Variants in GRM8 observed in about 807,000 individuals in gnomAD.
GRM8 encodes glutamate metabotropic receptor 8, also known as metabotropic glutamate receptor 8.
Under a neutral mutation model 87.2 loss-of-function variants are expected in GRM8, and 47 were observed. The observed-to-expected ratio is 0.54, with a 90% CI of 0.43 to 0.69. The LOEUF is 0.69. Among genes scored for constraint, GRM8 ranks in the 30% least tolerant of loss-of-function variants. GRM8 has a pLI of 0.00. For synonymous variants in GRM8, 396 were observed against 404.5 expected (o/e 0.98, Z 0.25); for missense variants, 1,019 against 1,139.2 (o/e 0.89, Z 1.52).
chr7:126,502,665 G>A (rs1809818221), intron 9 of GRM8, among the ~76,000 whole-genome samples: 1 of 151,936 alleles, frequency 6.6e-6, no homozygotes, highest in Non-Finnish European at 1.5e-5. Flanking sequence ...TATTCCTTAT[G>A]ATTTATTCTT....
At chr7:126,958,398 C>T (rs1385379089) in intron 3 of GRM8, among the ~76,000 whole-genome samples, 1 of 152,194 alleles carries the variant, frequency 6.6e-6, no homozygotes, top group Non-Finnish European at 1.5e-5. Flanking sequence ...TCAAGTGCCA[C>T]CACGTTCCAC....
intron 8 of GRM8, 132 bp from the exon 9 acceptor site, chr7:126,534,019 T>G (rs1027636895): frequency 2.9e-6 from 2 of 678,836 alleles, no homozygotes; most frequent in Middle Eastern, 3.7e-4. Flanking sequence ...AGAGTCTCGT[T>G]TTTTTTCCCC....
rs1216935406 is a variant in GRM8, at chr7:126,618,601, G to C, written c.1358-9103C>G. The stretch of plus-strand genomic sequence containing the variant: ...CAGAGTGAACAGGCAACCTACAGAA[G>C]GGGAGAAAATTTTTACCATCTACTC... On this transcript the variant is annotated intron_variant, in intron 7 of 10. Transcript: ENST00000339582. Among the ~76,000 whole-genome samples the C allele has an allele frequency of 2.6e-5, 4 of 152,116 alleles. No homozygotes were observed. In the East Asian group the frequency reaches 5.8e-4, roughly 22 times the overall value.
chr7:126,672,055 G>A (rs755839493), intron 7 of GRM8, among the ~76,000 whole-genome samples: 2 of 152,204 alleles, frequency 1.3e-5, no homozygotes, highest in African/African-American at 2.4e-5. Context: ...TAGCACATGT[G>A]AGCATGGCTG....
At chr7:126,523,772 C>T (rs1813389337) in intron 9 of GRM8, among the ~76,000 whole-genome samples, 1 of 152,118 alleles carries the variant, frequency 6.6e-6, no homozygotes, top group African/African-American at 2.4e-5. Context: ...GCTGGCATTA[C>T]AGGCATGAGC....
At chr7:127,109,970 G>T (rs1826195863) in intron 2 of GRM8, among the ~76,000 whole-genome samples, 1 of 152,114 alleles carries the variant, frequency 6.6e-6, no homozygotes, top group African/African-American at 2.4e-5. Context: ...AGTTGAGTTT[G>T]TCCCGGAGGC....
intron 3 of GRM8, among the ~76,000 whole-genome samples, chr7:126,960,515 A>G (rs924321988): frequency 1.8e-4 from 28 of 152,252 alleles, no homozygotes; most frequent in African/African-American, 6.0e-4. Flanking sequence ...ATGTTGGTTT[A>G]GAATTGAATA....
In GRM8 at chr7:126,653,006, T is replaced by A. The variant is rs568053796; in HGVS notation, c.1358-43508A>T. Among the ~76,000 whole-genome samples the A allele has an allele frequency of 5.3e-5, 8 of 152,114 alleles. No individual in the cohort carries two copies. The East Asian group carries it at 1.5e-3, about 29-fold the overall frequency. On this transcript the variant is annotated intron_variant, in intron 7 of 10. Coordinates refer to ENST00000339582, the MANE Select transcript of GRM8 (RefSeq NM_000845.3). Reference sequence around the variant, plus strand: ...ACCTCATCACAATAAAATAGGGATCTCCCTATTTTAAGATCCCCCTAAGGA... The same window carrying A: ...ACCTCATCACAATAAAATAGGGATCACCCTATTTTAAGATCCCCCTAAGGA...
At chr7:126,577,534 C>G (rs1795225354) in intron 8 of GRM8, among the ~76,000 whole-genome samples, 1 of 151,120 alleles carries the variant, frequency 6.6e-6, no homozygotes, top group African/African-American at 2.4e-5. Context: ...AAGTTCTACT[C>G]TAATATATGT....
At chr7:127,025,523 C>T (rs963010043) in intron 3 of GRM8, among the ~76,000 whole-genome samples, 1 of 152,106 alleles carries the variant, frequency 6.6e-6, no homozygotes, top group African/African-American at 2.4e-5. Context: ...TCTTTTAGTC[C>T]CACAGTCCAT....
At chr7:127,042,381 G>A (rs1011996854) in intron 3 of GRM8, among the ~76,000 whole-genome samples, 3 of 152,216 alleles carry the variant, frequency 2.0e-5, no homozygotes, top group Admixed American at 6.5e-5. Flanking sequence ...AGGCACAGAG[G>A]GGTCATGGTT....
At chr7:126,561,954 C>A (rs147973703) in intron 8 of GRM8, among the ~76,000 whole-genome samples, 102 of 151,762 alleles carry the variant, frequency 6.7e-4, no homozygotes, top group African/African-American at 2.3e-3. Context: ...AAACTGGAAA[C>A]CATTTTATTT....
intron 8 of GRM8, among the ~76,000 whole-genome samples, chr7:126,586,455 C>T (rs1796134201): frequency 6.6e-6 from 1 of 152,172 alleles, no homozygotes; most frequent in Admixed American, 6.6e-5. Context: ...GTAACCAAAA[C>T]AGCATGGTAC....
intron 6 of GRM8, among the ~76,000 whole-genome samples, chr7:126,852,924 A>G (rs576920224): frequency 6.6e-6 from 1 of 152,334 alleles, no homozygotes; most frequent in South Asian, 2.1e-4. Context: ...ATAATAGATT[A>G]ACATTTTTAA....
At chr7:126,875,613 G>A (rs1362202299) in intron 6 of GRM8, among the ~76,000 whole-genome samples, 4 of 152,090 alleles carry the variant, frequency 2.6e-5, no homozygotes, top group Non-Finnish European at 5.9e-5. Flanking sequence ...TCATTTCATT[G>A]AGACAATATT....
chr7:126,985,693 A>T (rs889388929), intron 3 of GRM8, among the ~76,000 whole-genome samples: 6 of 152,182 alleles, frequency 3.9e-5, no homozygotes, highest in African/African-American at 1.4e-4. Flanking sequence ...GAAACTGAGC[A>T]TGCTTACTCA....
At chr7:126,958,128 G>C (rs1207745081) in intron 3 of GRM8, among the ~76,000 whole-genome samples, 8 of 152,276 alleles carry the variant, frequency 5.3e-5, no homozygotes, top group East Asian at 3.9e-4. Flanking sequence ...CCTCCTGAGA[G>C]CTGCTTTGTT....
chr7:127,143,519 G>T (rs1828388973), intron 2 of GRM8, among the ~76,000 whole-genome samples: 1 of 152,068 alleles, frequency 6.6e-6, no homozygotes, highest in Admixed American at 6.6e-5. Flanking sequence ...ATCATTGCAG[G>T]CTATGTGCTT....
At chr7:127,006,596 A>G (rs778519405) in intron 3 of GRM8, among the ~76,000 whole-genome samples, 3 of 152,032 alleles carry the variant, frequency 2.0e-5, no homozygotes, top group Non-Finnish European at 4.4e-5. Context: ...TCTCAAGAGT[A>G]TTAACTTAAT....
Sources: gnomAD v4.1 joint callset for allele counts (sites outside exome capture counted in the v4.1 genomes callset) on GRCh38, gnomAD v4.1.1 for gene constraint, MANE v1.5 for transcripts, NCBI Gene and HGNC (gene_info 2026-07-23, HGNC 2026-07-21) for gene names.